Variants in PBX1 observed in about 807,000 individuals in gnomAD.
The protein encoded by PBX1 is pre-B-cell leukemia transcription factor 1.
PBX1 carries 6 observed loss-of-function variants against 53.4 expected under a neutral mutation model. That is an observed-to-expected ratio of 0.11 (90% CI 0.06 to 0.22). The LOEUF (loss-of-function observed/expected upper bound fraction) is 0.22. Ranked by LOEUF, PBX1 falls within the 10% of genes least tolerant of loss-of-function variation. The pLI is 1.00. For synonymous variants in PBX1, 204 were observed against 212.3 expected, an observed-to-expected ratio of 0.96 and a Z score of 0.34; for missense variants, 251 against 551.4, an observed-to-expected ratio of 0.46 and a Z score of 5.46.
chr1:164,607,652 G>A (rs1246832125), intron 2 of PBX1, among the ~76,000 whole-genome samples: 1 of 152,134 alleles, frequency 6.6e-6, no homozygotes, highest in Non-Finnish European at 1.5e-5. Context: ...TGTAAATAGC[G>A]ATTGATGCCG....
intron 8 of PBX1, among the ~76,000 whole-genome samples, chr1:164,840,618 C>T (rs776548023): frequency 6.6e-6 from 1 of 152,178 alleles, no homozygotes; most frequent in Non-Finnish European, 1.5e-5. Flanking sequence ...GTGTGCTAAG[C>T]TGTGGCACTG....
In PBX1 at chr1:164,879,322, G is replaced by A. The variant is rs368830558; in HGVS notation, n.258-19866G>A. 6.6e-5 allele frequency among the ~76,000 whole-genome samples: 10 copies of A among 152,290 alleles called. No individual in the cohort carries two copies. In the South Asian group the frequency reaches 1.5e-3, roughly 22 times the overall value. On this transcript the variant is annotated intron_variant and non_coding_transcript_variant, in intron 2 of 2. Coordinates refer to the PBX1 transcript ENST00000558796. Reference sequence around the variant, plus strand: ...GAAAGATATAAATAAAACAATTTCAGTGGTGAGAAAGGCCTGGATTTGAAA... The same window carrying A: ...GAAAGATATAAATAAAACAATTTCAATGGTGAGAAAGGCCTGGATTTGAAA...
intron 2 of PBX1, among the ~76,000 whole-genome samples, chr1:164,726,200 C>T (rs980138166): frequency 6.6e-5 from 10 of 152,154 alleles, no homozygotes; most frequent in Non-Finnish European, 1.5e-4. Context: ...TGCATACAAA[C>T]GTTTTGGTCA....
At chr1:164,615,072 G>T (rs186562223) in intron 2 of PBX1, among the ~76,000 whole-genome samples, 114 of 152,254 alleles carry the variant, frequency 7.5e-4, no homozygotes, top group African/African-American at 2.7e-3. Flanking sequence ...ACTGTGCCTG[G>T]CCTCAGTTGA....
At chr1:164,801,463 A>C (rs1264587469) in intron 4 of PBX1, among the ~76,000 whole-genome samples, 1 of 152,074 alleles carries the variant, frequency 6.6e-6, no homozygotes, top group African/African-American at 2.4e-5. Flanking sequence ...AAAAAAAAAA[A>C]AAACAATTGG....
intron 1 of PBX1, 168 bp downstream of exon 1, chr1:164,560,181 G>T (rs1279658637): frequency 9.1e-6 from 5 of 547,962 alleles, no homozygotes; most frequent in Admixed American, 7.6e-5. Context: ...TTGAAGGAGC[G>T]TTGTTATCGA....
chr1:164,588,254 G>T (rs2255753), intron 2 of PBX1, among the ~76,000 whole-genome samples: 152,219 of 152,248 alleles, frequency 1, 76,096 homozygotes, highest in Non-Finnish European at 1. Flanking sequence ...CAATAGTAAG[G>T]GGAGGTGAAA....
intron 2 of PBX1, among the ~76,000 whole-genome samples, chr1:164,671,067 T>G (rs139598433): frequency 6.6e-6 from 1 of 152,304 alleles, no homozygotes; most frequent in East Asian, 1.9e-4. Context: ...GTGAGGTCCA[T>G]GCTAATGTCT....
chr1:164,568,885 C>T (rs1290616486), intron 2 of PBX1, among the ~76,000 whole-genome samples: 3 of 152,182 alleles, frequency 2.0e-5, no homozygotes, highest in African/African-American at 7.2e-5. Context: ...AACACCTATC[C>T]CCCATGATGG....
chr1:164,652,834 C>T (rs890489314), intron 2 of PBX1, among the ~76,000 whole-genome samples: 3 of 151,832 alleles, frequency 2.0e-5, no homozygotes, highest in East Asian at 3.9e-4. Context: ...TCTTACCACC[C>T]GCACCCCCAC....
chr1:164,659,685 G>A (rs1166522897), intron 2 of PBX1, among the ~76,000 whole-genome samples: 1 of 152,184 alleles, frequency 6.6e-6, no homozygotes, highest in African/African-American at 2.4e-5. Flanking sequence ...CTCCCTGGCA[G>A]CTTAAGCAAG....
At chr1:164,823,623 G>T (rs531042610) in intron 8 of PBX1, among the ~76,000 whole-genome samples, 33 of 132,082 alleles carry the variant, frequency 2.5e-4, no homozygotes, top group Admixed American at 7.3e-4. Context: ...GGGGTGGGGG[G>T]GGGGGTCAAC....
intron 2 of PBX1, among the ~76,000 whole-genome samples, chr1:164,588,473 CTTTT>C (rs371768861): frequency 6.4e-4 from 47 of 73,070 alleles, no homozygotes; most frequent in African/African-American, 1.8e-3. Flanking sequence ...CCGGACTAAG[CTTTT>C]TTTTTTTTTT....
At chr1:164,722,493 G>T (rs1035012940) in intron 2 of PBX1, among the ~76,000 whole-genome samples, 1 of 152,214 alleles carries the variant, frequency 6.6e-6, no homozygotes, top group Non-Finnish European at 1.5e-5. Context: ...GTTACTGGGA[G>T]AAAGTGCTGT....
intron 2 of PBX1, among the ~76,000 whole-genome samples, chr1:164,739,110 C>CTT (rs1665454587): frequency 1.3e-5 from 2 of 152,156 alleles, no homozygotes; most frequent in African/African-American, 4.8e-5. Context: ...AGTAAGCGAA[C>CTT]CTAGTTTCCA....
intron 2 of PBX1, among the ~76,000 whole-genome samples, chr1:164,775,000 A>C (rs545609273): frequency 6.6e-6 from 1 of 152,160 alleles, no homozygotes; most frequent in Non-Finnish European, 1.5e-5. Flanking sequence ...TGTGTGCTTC[A>C]TGCCTAGCAA....
At chr1:164,626,855 C>T (rs1658082570) in intron 2 of PBX1, among the ~76,000 whole-genome samples, 1 of 152,170 alleles carries the variant, frequency 6.6e-6, no homozygotes, top group Non-Finnish European at 1.5e-5. Context: ...TTCTTCTCAC[C>T]ATTTAACAGG....
chr1:164,665,206 TTAACA>T (rs1660737825), intron 2 of PBX1, among the ~76,000 whole-genome samples: 1 of 152,240 alleles, frequency 6.6e-6, no homozygotes, highest in South Asian at 2.1e-4. Flanking sequence ...GTCTGGCTAC[TTAACA>T]TAAAATAAAA....
chr1:164,754,757 G>T (rs559390059), intron 2 of PBX1, among the ~76,000 whole-genome samples: 1 of 152,286 alleles, frequency 6.6e-6, no homozygotes, highest in East Asian at 1.9e-4. Flanking sequence ...TATGCTTCGT[G>T]ATTTTTTTGT....
Sources: gnomAD v4.1 joint callset for allele counts (sites outside exome capture counted in the v4.1 genomes callset) on GRCh38, gnomAD v4.1.1 for gene constraint, MANE v1.5 for transcripts, NCBI Gene and HGNC (gene_info 2026-07-23, HGNC 2026-07-21) for gene names.